ST6GALNAC3: variants seen among roughly 807,000 people sequenced by gnomAD.
The protein encoded by ST6GALNAC3 is ST6 N-acetylgalactosaminide alpha-2,6-sialyltransferase 3.
ST6GALNAC3 carries 25 observed loss-of-function variants against 32.7 expected under a neutral mutation model. That is an observed-to-expected ratio of 0.76 (90% CI 0.56 to 1.07). The LOEUF (loss-of-function observed/expected upper bound fraction) is 1.07, where lower values mean the gene tolerates loss of function less well. ST6GALNAC3 is among the 50% of genes least tolerant of loss of function. The pLI is 0.00. For synonymous variants in ST6GALNAC3, 129 were observed against 133.1 expected, an observed-to-expected ratio of 0.97 and a Z score of 0.21; for missense variants, 355 against 382.4, an observed-to-expected ratio of 0.93 and a Z score of 0.60.
At chr1:76,193,233 A>G (rs1293579533) in intron 1 of ST6GALNAC3, among the ~76,000 whole-genome samples, 2 of 152,054 alleles carry the variant, frequency 1.3e-5, no homozygotes, top group Admixed American at 1.3e-4. Flanking sequence ...GCCTTCCTTC[A>G]TGTGTAGCCA....
At chr1:76,447,271 T>C (rs899606399) in intron 3 of ST6GALNAC3, among the ~76,000 whole-genome samples, 2 of 152,132 alleles carry the variant, frequency 1.3e-5, no homozygotes, top group African/African-American at 4.8e-5. Flanking sequence ...TGTGGAACTT[T>C]GAACTTGAGG....
chr1:76,410,280 A>C (rs1654138230), intron 2 of ST6GALNAC3, among the ~76,000 whole-genome samples: 1 of 152,044 alleles, frequency 6.6e-6, no homozygotes. Flanking sequence ...TTCCTGCCTC[A>C]GGGTATTTGC....
intron 1 of ST6GALNAC3, among the ~76,000 whole-genome samples, chr1:76,145,589 G>A (rs1041785024): frequency 1.3e-5 from 2 of 152,142 alleles, no homozygotes; most frequent in Non-Finnish European, 1.5e-5. Context: ...TTTCAATTAC[G>A]GAAATAATTA....
At chr1:76,365,316 G>T (rs1348112661) in intron 2 of ST6GALNAC3, among the ~76,000 whole-genome samples, 2 of 152,138 alleles carry the variant, frequency 1.3e-5, no homozygotes, top group Admixed American at 1.3e-4. Flanking sequence ...AGACACTGGG[G>T]ACTCCAAAAG....
At chr1:76,572,890 T>G (rs1027453638) in intron 3 of ST6GALNAC3, among the ~76,000 whole-genome samples, 1 of 152,078 alleles carries the variant, frequency 6.6e-6, no homozygotes, top group African/African-American at 2.4e-5. Context: ...TTTGAAGAAT[T>G]TTAGGTAGTG....
chr1:76,081,389 G>A (rs928811637), intron 1 of ST6GALNAC3, among the ~76,000 whole-genome samples: 5 of 151,948 alleles, frequency 3.3e-5, no homozygotes, highest in African/African-American at 4.8e-5. Flanking sequence ...CCTGCGCTGC[G>A]GGTTGGACAA....
chr1:76,102,647 C>T (rs1391611225), intron 1 of ST6GALNAC3, among the ~76,000 whole-genome samples: 1 of 152,038 alleles, frequency 6.6e-6, no homozygotes, highest in African/African-American at 2.4e-5. Flanking sequence ...TCTTAGACCA[C>T]TTTAATGGCA....
intron 3 of ST6GALNAC3, among the ~76,000 whole-genome samples, chr1:76,455,334 T>C (rs1285405108): frequency 1.3e-5 from 2 of 152,200 alleles, no homozygotes; most frequent in Non-Finnish European, 2.9e-5. Context: ...CTGCTGCTGA[T>C]TCATATTTAA....
Position 76,418,561 on chromosome 1 carries a change from G to A in ST6GALNAC3, c.623+6144G>A, listed in dbSNP as rs1410130438. Among the ~76,000 whole-genome samples the A allele has an allele frequency of 3.3e-5, 5 of 152,018 alleles. No individual in the cohort carries two copies. The South Asian group carries it at 6.2e-4, about 19-fold the overall frequency. On this transcript the variant is annotated intron_variant, in intron 3 of 4. Transcript: ENST00000328299. ...TACCTGCTAACCCCAGGAAAACTTCGACCAAGAGATAATAGGCAAAAGACA... is the reference window on the plus strand; with the variant it reads ...TACCTGCTAACCCCAGGAAAACTTCAACCAAGAGATAATAGGCAAAAGACA...
intron 3 of ST6GALNAC3, among the ~76,000 whole-genome samples, chr1:76,609,599 C>T (rs1379958040): frequency 6.6e-6 from 1 of 151,858 alleles, no homozygotes; most frequent in Non-Finnish European, 1.5e-5. Flanking sequence ...ACAGGCTGGT[C>T]CATGAAAAAA....
chr1:76,485,356 C>G (rs905529819), intron 3 of ST6GALNAC3, among the ~76,000 whole-genome samples: 4 of 152,050 alleles, frequency 2.6e-5, no homozygotes, highest in African/African-American at 7.2e-5. Context: ...TGGTCCTGGA[C>G]TTTTTTTGGT....
chr1:76,119,541 C>T (rs1648721862), intron 1 of ST6GALNAC3, among the ~76,000 whole-genome samples: 1 of 152,030 alleles, frequency 6.6e-6, no homozygotes. Context: ...TGTATTTGGC[C>T]TGCATGGGAG....
At chr1:76,198,824 GGA>G (rs1654360724) in intron 1 of ST6GALNAC3, among the ~76,000 whole-genome samples, 1 of 152,164 alleles carries the variant, frequency 6.6e-6, no homozygotes, top group African/African-American at 2.4e-5. Flanking sequence ...TTCGGTTTCT[GGA>G]ACTTAGGAGA....
intron 1 of ST6GALNAC3, among the ~76,000 whole-genome samples, chr1:76,275,264 GT>G (rs1343921025): frequency 6.6e-6 from 1 of 152,154 alleles, no homozygotes; most frequent in Admixed American, 6.5e-5. Flanking sequence ...GGAGACTAGT[GT>G]TTTCCAAGGC....
chr1:76,353,828 C>T (rs1649207696), intron 2 of ST6GALNAC3: 1 of 153,090 alleles, frequency 6.5e-6, no homozygotes, highest in Non-Finnish European at 1.5e-5. Flanking sequence ...CACAAAGACA[C>T]AAAGACAGTG....
intron 1 of ST6GALNAC3, among the ~76,000 whole-genome samples, chr1:76,116,603 A>G (rs1263255351): frequency 6.6e-6 from 1 of 152,128 alleles, no homozygotes; most frequent in East Asian, 1.9e-4. Flanking sequence ...AAGAGCAGAG[A>G]TGGAAGAATG....
At chr1:76,322,542 A>G (rs568419547) in intron 2 of ST6GALNAC3, among the ~76,000 whole-genome samples, 10 of 152,340 alleles carry the variant, frequency 6.6e-5, no homozygotes, top group Non-Finnish European at 1.3e-4. Context: ...TCTTAAGAAT[A>G]GTGAACATTC....
intron 1 of ST6GALNAC3, among the ~76,000 whole-genome samples, chr1:76,097,475 A>G (rs567816770): frequency 1.3e-5 from 2 of 152,270 alleles, no homozygotes; most frequent in African/African-American, 2.4e-5. Context: ...GAAGAAGGAC[A>G]TGCTTGCTCC....
In ST6GALNAC3 at chr1:76,412,037, C is replaced by G; in HGVS notation, c.243C>G (p.Ala81=). 1 of 1,613,310 alleles carries G rather than the reference C, an allele frequency of 6.2e-7. No homozygotes were observed. Among genetic ancestry groups the G allele is most frequent in the Non-Finnish European group, 8.5e-7 (1 of 1,179,634 alleles). Residue 81 remains alanine (A), a synonymous_variant, in exon 3 of 5, where the codon GCC becomes GCG. Coordinates refer to ENST00000328299, the MANE Select transcript of ST6GALNAC3 (RefSeq NM_152996.4). ...EPLQLDCDLC[A]IVSNSGQMVG... ...TGCAACTGGACTGTGACCTTTGTGCCATAGTGTCAAACTCAGGTCAGATGG... is the reference window on the plus strand; with the variant it reads ...TGCAACTGGACTGTGACCTTTGTGCGATAGTGTCAAACTCAGGTCAGATGG...
Sources: allele counts gnomAD v4.1 joint callset (sites outside exome capture counted in the v4.1 genomes callset), GRCh38; gene constraint gnomAD v4.1.1; transcripts MANE v1.5; gene names NCBI Gene and HGNC (gene_info 2026-07-23, HGNC 2026-07-21).